The following ACTR3C variants were observed in gnomAD, a reference collection of about 807,000 sequenced individuals.
ACTR3C encodes actin-related protein 3C.
Under a neutral mutation model 26.3 loss-of-function variants are expected in ACTR3C, and 18 were observed. The ratio of observed to expected loss-of-function variants is 0.68; its 90% confidence interval spans 0.47 to 1.01. ACTR3C has a LOEUF of 1.01. Among genes scored for constraint, ACTR3C ranks in the 50% least tolerant of loss-of-function variants. ACTR3C has a pLI of 0.00. For missense variants in ACTR3C, 184 were observed against 250.7 expected (o/e 0.73, Z 1.80); for synonymous variants, 55 against 94.5 (o/e 0.58, Z 2.42).
At chr7:150,007,918 C>T in the ACTR3C span, among the ~76,000 whole-genome samples, 2 of 152,136 alleles carry the variant, frequency 1.3e-5, no homozygotes, top group African/African-American at 4.8e-5. Context: ...AATGATAGAA[C>T]CAGGACTTGG....
the ACTR3C span, among the ~76,000 whole-genome samples, chr7:150,029,002 C>T: frequency 6.6e-6 from 1 of 152,000 alleles, no homozygotes; most frequent in African/African-American, 2.4e-5. Flanking sequence ...GTTCTCCAGC[C>T]CTCTCCTCTT....
At chr7:150,295,204 A>G (rs1241823256) in intron 2 of ACTR3C, 48 bp downstream of exon 2, 2 of 1,602,692 alleles carry the variant, frequency 1.2e-6, no homozygotes, top group Admixed American at 1.7e-5. Flanking sequence ...TTCTTCCGCT[A>G]CTAGACAGCT....
the ACTR3C span, among the ~76,000 whole-genome samples, chr7:149,963,562 C>A: frequency 6.6e-6 from 1 of 152,176 alleles, no homozygotes; most frequent in Admixed American, 6.5e-5. Flanking sequence ...CATCTCCTAA[C>A]AAAGGATGAA....
intron 6 of ACTR3C, among the ~76,000 whole-genome samples, chr7:150,257,358 A>T (rs1423758626): frequency 1.3e-5 from 2 of 152,208 alleles, no homozygotes; most frequent in Non-Finnish European, 2.9e-5. Context: ...GCAGAGCTCC[A>T]GGGACATATG....
At chr7:149,942,323 C>T in the ACTR3C span, among the ~76,000 whole-genome samples, 2 of 152,108 alleles carry the variant, frequency 1.3e-5, no homozygotes, top group African/African-American at 4.8e-5. Context: ...TGGGTTCCAT[C>T]TATGGTTTTG....
chr7:149,931,190 A>G, the ACTR3C span, among the ~76,000 whole-genome samples: 2 of 152,198 alleles, frequency 1.3e-5, no homozygotes, highest in African/African-American at 2.4e-5. Context: ...CTAAACGTAC[A>G]TACTGTGCTC....
chr7:150,042,569 C>T, the ACTR3C span, among the ~76,000 whole-genome samples: 215 of 142,516 alleles, frequency 1.5e-3, 2 homozygotes, highest in South Asian at 0.02. Context: ...TCTGAGTCCC[C>T]GCCTCGCGGG....
the ACTR3C span, among the ~76,000 whole-genome samples, chr7:149,983,033 A>T: frequency 6.6e-6 from 1 of 152,200 alleles, no homozygotes. Flanking sequence ...GGAAAATAAC[A>T]GTCTCTTCCA....
the ACTR3C span, among the ~76,000 whole-genome samples, chr7:150,185,264 T>C: frequency 1.4e-5 from 2 of 147,282 alleles, no homozygotes; most frequent in Non-Finnish European, 3.0e-5. Context: ...ATAGTCAATA[T>C]TAAATGTCAG....
intron 1 of ACTR3C, among the ~76,000 whole-genome samples, chr7:150,303,160 C>A (rs1414757253): frequency 1.3e-5 from 2 of 152,222 alleles, no homozygotes. Flanking sequence ...TAAGTTCAGG[C>A]CAGTAAGACA....
chr7:150,295,485 A>C (rs1836671018), intron 1 of ACTR3C, 138 bp from the exon 2 acceptor site: 2 of 1,008,994 alleles, frequency 2.0e-6, no homozygotes, highest in Non-Finnish European at 3.0e-6. Context: ...AGGATGCCCA[A>C]AGTGTATTAA....
At chr7:150,234,871 T>C in the ACTR3C span, among the ~76,000 whole-genome samples, 1 of 152,210 alleles carries the variant, frequency 6.6e-6, no homozygotes, top group East Asian at 1.9e-4. Context: ...CCTTATGCTC[T>C]CCTGTTTTAT....
At chr7:150,013,791 A>G in the ACTR3C span, among the ~76,000 whole-genome samples, 1 of 152,254 alleles carries the variant, frequency 6.6e-6, no homozygotes, top group Non-Finnish European at 1.5e-5. Flanking sequence ...GTATTAAAAA[A>G]TAAAAGGAAG....
At chr7:150,159,459 A>T in the ACTR3C span, among the ~76,000 whole-genome samples, 1 of 152,130 alleles carries the variant, frequency 6.6e-6, no homozygotes, top group Non-Finnish European at 1.5e-5. Context: ...GCAAAGGCGG[A>T]AGGTATTTAG....
At chr7:150,168,339 AG>A in the ACTR3C span, among the ~76,000 whole-genome samples, 1 of 150,688 alleles carries the variant, frequency 6.6e-6, no homozygotes, top group African/African-American at 2.5e-5. Flanking sequence ...TGCCTGTGTA[AG>A]GGATCTAGTC....
At chr7:149,933,924 G>A in the ACTR3C span, among the ~76,000 whole-genome samples, 2 of 151,822 alleles carry the variant, frequency 1.3e-5, no homozygotes, top group Admixed American at 6.6e-5. Flanking sequence ...TGTCAAGTTC[G>A]ACTCAATGCT....
chr7:150,085,184 G>A, the ACTR3C span, among the ~76,000 whole-genome samples: 1 of 152,104 alleles, frequency 6.6e-6, no homozygotes, highest in African/African-American at 2.4e-5. Flanking sequence ...GGTCAGATGG[G>A]CACTTTGAAA....
At chr7:150,110,532 GGGTGGGGCTT>G in the ACTR3C span, among the ~76,000 whole-genome samples, 1 of 103,802 alleles carries the variant, frequency 9.6e-6, no homozygotes, top group African/African-American at 3.7e-5. Context: ...GGCTGGAAGA[GGGTGGGGCTT>G]ACTAAGAGAT....
At chr7:149,911,582 T>C in the ACTR3C span, among the ~76,000 whole-genome samples, 1 of 151,208 alleles carries the variant, frequency 6.6e-6, no homozygotes, top group Non-Finnish European at 1.5e-5. Flanking sequence ...AAAAAGAATC[T>C]GATGGAACCA....
Sources: gnomAD v4.1 joint callset for allele counts (sites outside exome capture counted in the v4.1 genomes callset) on GRCh38, gnomAD v4.1.1 for gene constraint, MANE v1.5 for transcripts, NCBI Gene and HGNC (gene_info 2026-07-23, HGNC 2026-07-21) for gene names.